DKK3: variants seen among roughly 807,000 people sequenced by gnomAD.
DKK3 encodes the protein dickkopf-related protein 3.
Under a neutral mutation model 33.2 loss-of-function variants are expected in DKK3, and 22 were observed. The observed-to-expected ratio is 0.66, with a 90% confidence interval of 0.47 to 0.95. The LOEUF (loss-of-function observed/expected upper bound fraction) is 0.95. Ranked by LOEUF, DKK3 falls within the 40% of genes least tolerant of loss-of-function variation. DKK3 has a pLI of 0.00. For synonymous variants in DKK3, 194 were observed against 188.8 expected (o/e 1.03, Z -0.23); for missense variants, 398 against 458.4 (o/e 0.87, Z 1.20).
At chr11:11,998,535 T>A in intron 3 of DKK3, 161 bp downstream of exon 3, 1 of 710,244 alleles carries the variant, frequency 1.4e-6, no homozygotes, top group Non-Finnish European at 2.6e-6. Context: ...GGACTACATC[T>A]GTCTGGTCAG....
chr11:11,995,614 C>T (rs2035933), intron 3 of DKK3, among the ~76,000 whole-genome samples: 27,912 of 152,216 alleles, frequency 0.18, 2,657 homozygotes, highest in Non-Finnish European at 0.21. Flanking sequence ...GGGCCAGACT[C>T]TTCCTATGTG....
chr11:12,005,866 A>G (rs1184277606), intron 1 of DKK3, among the ~76,000 whole-genome samples: 2 of 152,166 alleles, frequency 1.3e-5, no homozygotes, highest in Non-Finnish European at 2.9e-5. Context: ...ATTGTATTCT[A>G]TTTTTGAAGA....
chr11:11,993,741 A>G (rs1227249342), intron 3 of DKK3, among the ~76,000 whole-genome samples: 1 of 152,186 alleles, frequency 6.6e-6, no homozygotes, highest in Non-Finnish European at 1.5e-5. Context: ...CTCGAAACAC[A>G]AATGTACCCA....
intron 1 of DKK3, among the ~76,000 whole-genome samples, chr11:12,004,831 A>T (rs1423130849): frequency 6.6e-6 from 1 of 152,262 alleles, no homozygotes; most frequent in Non-Finnish European, 1.5e-5. Flanking sequence ...AAAAGAAGCC[A>T]GTTTGTTTTG....
intron 5 of DKK3, 99 bp downstream of exon 5, chr11:11,966,855 A>T: frequency 1.3e-6 from 2 of 1,518,842 alleles, no homozygotes; most frequent in Non-Finnish European, 8.9e-7. Flanking sequence ...AAGAGGTGGG[A>T]CGCGAAACCA....
At chr11:12,009,273 G>A, upstream of DKK3, 11 of 984,284 alleles carry the variant, frequency 1.1e-5, no homozygotes, top group Non-Finnish European at 1.3e-5. Context: ...CGCGGTGGGC[G>A]GGCCGCGGGT....
At position 11,963,431 on chromosome 11, in the gene DKK3, G is replaced by A. The variant is rs925954199; in HGVS notation, c.*1033C>T. The A allele has an allele frequency of 2.0e-5, 3 of 152,174 alleles. No homozygotes were observed. The highest frequency in any genetic ancestry group is 1.5e-5 in the Non-Finnish European group (1 of 68,032). 9.4% of individuals were successfully genotyped at this position (152,174 alleles called of 1,614,324 possible). A position where few individuals can be genotyped will look rare whatever the true frequency, so the allele number is the denominator to read the frequency against. On this transcript the variant is annotated 3_prime_UTR_variant, in exon 7 of 7. Coordinates refer to ENST00000683431, the MANE Select transcript of DKK3 (RefSeq NM_001018057.2). ...TAATCCTCGCCCTACAATTACCTAAGTACTGTTTCTGCAGGTTAACCTGTA... is the reference window on the plus strand; with the variant it reads ...TAATCCTCGCCCTACAATTACCTAAATACTGTTTCTGCAGGTTAACCTGTA...
In DKK3 at chr11:12,002,406, GATGCTTTAGCAGC is replaced by G. The variant is rs1048793969; in HGVS notation, c.232_244del (p.Ala78HisfsTer4). ...TAAGTTTGCCAGGTTCACTTCTGAT[GATGCTTTAGCAGC>G]AGCTTCTTCTGCCTCCATCTATTAA... On this transcript the variant is annotated frameshift_variant, in exon 2 of 7. Coordinates refer to ENST00000683431, the MANE Select transcript of DKK3 (RefSeq NM_001018057.2). LOFTEE classifies it high-confidence loss of function. 8 of 1,613,670 alleles carry G rather than the reference GATGCTTTAGCAGC, an allele frequency of 5.0e-6. No individual in the cohort carries two copies. The highest frequency in any genetic ancestry group is 6.8e-6 in the Non-Finnish European group (8 of 1,179,946).
At chr11:11,991,227 G>A (rs761507847) in intron 3 of DKK3, among the ~76,000 whole-genome samples, 10 of 152,170 alleles carry the variant, frequency 6.6e-5, no homozygotes, top group African/African-American at 2.2e-4. Flanking sequence ...CAAGGCCACC[G>A]CCTAGAAAAG....
intron 2 of DKK3, among the ~76,000 whole-genome samples, chr11:11,999,569 G>A (rs576512897): frequency 6.6e-6 from 1 of 152,336 alleles, no homozygotes; most frequent in East Asian, 1.9e-4. Flanking sequence ...AGGTTGCAGT[G>A]AGCCGAAATC....
intron 3 of DKK3, among the ~76,000 whole-genome samples, chr11:11,969,229 G>A (rs922635605): frequency 1.3e-5 from 2 of 152,314 alleles, no homozygotes; most frequent in African/African-American, 4.8e-5. Context: ...GCCGGTCACT[G>A]GCAGAAGCAG....
At position 11,980,298 on chromosome 11, in the gene DKK3, A is replaced by G. The variant is rs1590519654; in HGVS notation, c.436-11811T>C. 2.6e-5 allele frequency among the ~76,000 whole-genome samples: 4 copies of G among 152,340 alleles called. No individual in the cohort carries two copies. In the South Asian group the frequency reaches 8.3e-4, roughly 32 times the overall value. On this transcript the variant is annotated intron_variant, in intron 3 of 6. Transcript: ENST00000683431. ...TAGTGAGGTCAGAATTTAGTTAGCA[A>G]GATTGCTGAGCAGGTCCGGTCTCTG...
In DKK3 at chr11:12,008,620, G is replaced by C; in HGVS notation, c.-38C>G. 2 of 1,356,254 alleles carry C rather than the reference G, an allele frequency of 1.5e-6. No homozygotes were observed. The highest frequency in any genetic ancestry group is 1.9e-6 in the Non-Finnish European group (2 of 1,063,808). 84.0% of individuals were successfully genotyped at this position (1,356,254 alleles called of 1,614,324 possible). On this transcript the variant is annotated 5_prime_UTR_variant, in exon 1 of 7. Transcript: ENST00000683431. This position sits in a 1 kb window ranked among gnomAD's most constrained non-coding sequence, Gnocchi z 4.6. ...CCCGCAGCCGCCGCCTGTGTGTCCCGGAACGCGATCAGAGGCGCGCGGACC... is the reference window on the plus strand; with the variant it reads ...CCCGCAGCCGCCGCCTGTGTGTCCCCGAACGCGATCAGAGGCGCGCGGACC...
chr11:11,985,700 T>C (rs1330683045), intron 3 of DKK3, among the ~76,000 whole-genome samples: 1 of 152,242 alleles, frequency 6.6e-6, no homozygotes, highest in Non-Finnish European at 1.5e-5. Context: ...TATCTTTAAC[T>C]CAGGGCTAGT....
intron 3 of DKK3, among the ~76,000 whole-genome samples, chr11:11,978,566 G>A (rs553261045): frequency 1.3e-5 from 2 of 150,752 alleles, no homozygotes; most frequent in East Asian, 2.0e-4. Flanking sequence ...TTGTAGAGAT[G>A]GGGTCTCTCT....
intron 3 of DKK3, among the ~76,000 whole-genome samples, chr11:11,978,494 C>CTTCTTCT (rs143778153): frequency 6.6e-6 from 1 of 150,536 alleles, no homozygotes; most frequent in African/African-American, 2.4e-5. Flanking sequence ...TCCTCTTCTT[C>CTTCTTCT]TTCTTCTTTC....
At chr11:12,004,280 G>C (rs372680644) in intron 1 of DKK3, among the ~76,000 whole-genome samples, 20 of 152,126 alleles carry the variant, frequency 1.3e-4, no homozygotes, top group African/African-American at 4.8e-4. Flanking sequence ...CCCTCCCTCT[G>C]ATCCCCAGTT....
chr11:12,008,353 C>A lies in DKK3; in HGVS notation c.213+17G>T. The A allele has an allele frequency of 6.3e-7, 1 of 1,598,590 alleles. No individual in the cohort carries two copies. Among genetic ancestry groups the A allele is most frequent in the South Asian group, 1.1e-5 (1 of 89,622 alleles). On this transcript the variant is annotated intron_variant, in intron 1 of 6. Coordinates refer to ENST00000683431, the MANE Select transcript of DKK3 (RefSeq NM_001018057.2). The surrounding 1 kb of genome is among the most constrained non-coding windows in gnomAD (Gnocchi z 4.6). ...TCTGGCGCTTCTCAGAGCCCCGCGC[C>A]GCCAGGGCGCACCCACCTCTTCCAC...
chr11:11,998,476 T>C (rs1848346949), intron 3 of DKK3: 3 of 612,292 alleles, frequency 4.9e-6, no homozygotes, highest in Non-Finnish European at 8.7e-6. Flanking sequence ...CTCAATTTAA[T>C]TTATCTGTTG....
Sources: allele counts gnomAD v4.1 joint callset (sites outside exome capture counted in the v4.1 genomes callset), GRCh38; gene constraint gnomAD v4.1.1; non-coding constraint Gnocchi (gnomAD v3.1); transcripts MANE v1.5; gene names NCBI Gene and HGNC (gene_info 2026-07-23, HGNC 2026-07-21).